GLDN: variants seen among roughly 807,000 people sequenced by gnomAD.
The protein encoded by GLDN is collomin.
Under a neutral mutation model 56.5 loss-of-function variants are expected in GLDN, and 47 were observed. That is an observed-to-expected ratio of 0.83 (90% CI 0.66 to 1.06). The LOEUF (loss-of-function observed/expected upper bound fraction) is 1.06. GLDN is among the 50% of genes least tolerant of loss of function. GLDN has a pLI of 0.00. For missense variants in GLDN, 782 were observed against 714.3 expected (o/e 1.09, Z -1.08); for synonymous variants, 332 against 278.8 (o/e 1.19, Z -1.90).
chr15:51,375,429 T>C (rs1195394457), intron 1 of GLDN, among the ~76,000 whole-genome samples: 1 of 152,274 alleles, frequency 6.6e-6, no homozygotes, highest in African/African-American at 2.4e-5. Flanking sequence ...AGCACTGTTT[T>C]ACATGAACAA....
intron 1 of GLDN, among the ~76,000 whole-genome samples, chr15:51,373,235 T>A (rs1166691648): frequency 6.6e-6 from 1 of 152,162 alleles, no homozygotes; most frequent in African/African-American, 2.4e-5. Context: ...TTCCTCAGTA[T>A]CTGTGGGGGA....
rs2038379336 is a variant in GLDN at position 51,406,271 on chromosome 15, A to G, written c.*1517A>G. 2 of 145,794 alleles carry G rather than the reference A, an allele frequency of 1.4e-5. No individual in the cohort carries two copies. The highest frequency in any genetic ancestry group is 2.2e-4 in the South Asian group (1 of 4,534). 9.0% of individuals were successfully genotyped at this position (145,794 alleles called of 1,614,324 possible). A position where few individuals can be genotyped will look rare whatever the true frequency, so the allele number is the denominator to read the frequency against. ...TCTTAAATATGCATATTTTCTGCCA[A>G]CTCACTTCTTTAAACATCTTTCAGC... On this transcript the variant is annotated 3_prime_UTR_variant, in exon 10 of 10. Transcript: ENST00000335449.
chr15:51,389,564 A>G (rs529850744), intron 4 of GLDN, among the ~76,000 whole-genome samples: 2 of 152,320 alleles, frequency 1.3e-5, no homozygotes, highest in African/African-American at 4.8e-5. Flanking sequence ...CTATTTGCAG[A>G]GGATGGATTG....
intron 1 of GLDN, chr15:51,360,201 A>T (rs1419725794): frequency 6.6e-6 from 1 of 152,176 alleles, no homozygotes; most frequent in South Asian, 2.1e-4. Context: ...AACGAGACAG[A>T]TGAGACAAGA....
At chr15:51,400,865 G>C (rs571220481) in intron 8 of GLDN, among the ~76,000 whole-genome samples, 2 of 152,158 alleles carry the variant, frequency 1.3e-5, no homozygotes, top group African/African-American at 4.8e-5. Context: ...TTTCTCTAAG[G>C]TTGCCGCCCT....
downstream of GLDN, among the ~76,000 whole-genome samples, chr15:51,408,403 TA>T (rs1025259770): frequency 2.6e-5 from 4 of 152,076 alleles, no homozygotes; most frequent in East Asian, 1.9e-4. Flanking sequence ...AAAACATGTC[TA>T]AAAAAAAGTA....
chr15:51,384,011 C>T (rs527907403), intron 4 of GLDN, 119 bp downstream of exon 4: 78 of 798,414 alleles, frequency 9.8e-5, no homozygotes, highest in South Asian at 1.3e-4. Flanking sequence ...AGTTTAAGGC[C>T]GGTTTAACTC....
intron 1 of GLDN, among the ~76,000 whole-genome samples, chr15:51,342,364 C>A (rs759082158): frequency 6.6e-6 from 1 of 152,214 alleles, no homozygotes; most frequent in African/African-American, 2.4e-5. Context: ...GACAAGTTTT[C>A]GTCTCCTGGT....
chr15:51,392,718 G>T (rs2038048835), intron 4 of GLDN, among the ~76,000 whole-genome samples: 1 of 152,066 alleles, frequency 6.6e-6, no homozygotes, highest in African/African-American at 2.4e-5. Flanking sequence ...TGAACTGTGG[G>T]GTATCACGTT....
chr15:51,367,109 G>A (rs1387491958), intron 1 of GLDN, among the ~76,000 whole-genome samples: 1 of 152,132 alleles, frequency 6.6e-6, no homozygotes, highest in Non-Finnish European at 1.5e-5. Flanking sequence ...TCTTGCTGTG[G>A]TTAGTAAGAA....
At chr15:51,370,352 G>A (rs1421404918) in intron 1 of GLDN, among the ~76,000 whole-genome samples, 1 of 152,042 alleles carries the variant, frequency 6.6e-6, no homozygotes, top group Non-Finnish European at 1.5e-5. Flanking sequence ...AATAACTAAG[G>A]TCAACCCCAC....
In GLDN at chr15:51,404,206, A is replaced by G; in HGVS notation, c.1179-71A>G. ...CAGACCCACTAACTCAGTTTAATAG[A>G]GGAGCCTAATAAACCACCTGTCCAC... On this transcript the variant is annotated intron_variant, in intron 9 of 9. Transcript: ENST00000335449. 4.2e-6 allele frequency: 5 copies of G among 1,190,122 alleles called. No individual in the cohort carries two copies. The Admixed American group carries it at 1.1e-4, about 26-fold the overall frequency. The allele number at this position is 1,190,122 out of a possible 1,614,324, so 73.7% of individuals were successfully genotyped here.
At position 51,341,825 on chromosome 15, in the gene GLDN, G is replaced by C; in HGVS notation, c.141G>C (p.Ala47=). The change falls in exon 1 of 10, where the codon GCG becomes GCC. Residue 47 remains alanine (A), a synonymous_variant. Transcript: ENST00000335449. The part of the protein sequence containing the change: ...ALCQWRGLSS[A]LRALEAQRGR... ...GCCAGTGGCGCGGGCTGAGCTCGGC[G>C]CTGCGGGCTTTGGAGGCGCAGCGGG... The C allele has an allele frequency of 6.6e-7, 1 of 1,517,202 alleles. No homozygotes were observed. Among genetic ancestry groups the C allele is most frequent in the Non-Finnish European group, 8.8e-7 (1 of 1,140,956 alleles). The allele number at this position is 1,517,202 out of a possible 1,614,324, so 94.0% of individuals were successfully genotyped here.
chr15:51,348,160 C>T (rs2037011225), intron 1 of GLDN, among the ~76,000 whole-genome samples: 1 of 152,040 alleles, frequency 6.6e-6, no homozygotes, highest in African/African-American at 2.4e-5. Context: ...TGCTCCTAGG[C>T]CAGGGAGCAA....
chr15:51,342,008 C>T lies in GLDN; in HGVS notation c.324C>T (p.Ser108=). Residue 108 remains serine, a synonymous_variant, in exon 1 of 10, where the codon AGC becomes AGT. Transcript: ENST00000335449. ...GEPAPHIRAE[S]HDMLMMMTYS... ...CCGCGCCGCATATCCGCGCCGAGAG[C>T]CATGACATGCTGATGATGATGACCT... 6.3e-7 allele frequency: 1 copy of T among 1,597,642 alleles called. No homozygotes were observed. Among genetic ancestry groups the T allele is most frequent in the South Asian group, 1.1e-5 (1 of 91,004 alleles).
chr15:51,376,773 C>T (rs1015543210), intron 1 of GLDN, among the ~76,000 whole-genome samples: 2 of 152,138 alleles, frequency 1.3e-5, no homozygotes, highest in African/African-American at 4.8e-5. Flanking sequence ...CAAACTCACA[C>T]ATTAGCCTAG....
At chr15:51,395,705 T>C (rs1291875532) in intron 5 of GLDN, among the ~76,000 whole-genome samples, 1 of 152,164 alleles carries the variant, frequency 6.6e-6, no homozygotes, top group Non-Finnish European at 1.5e-5. Flanking sequence ...TTAACACCTG[T>C]ACTAGTCTGT....
chr15:51,401,560 G>A, intron 8 of GLDN, 33 bp from the exon 9 acceptor site: 1 of 1,593,650 alleles, frequency 6.3e-7, no homozygotes, highest in Non-Finnish European at 8.6e-7. Context: ...GCTGGAGGTA[G>A]GTAACAGCCT....
rs771351646 is a variant in GLDN, at chr15:51,404,243, T to C, written c.1179-34T>C. On this transcript the variant is annotated intron_variant, in intron 9 of 9. Transcript: ENST00000335449. ...AACCACCTGTCCACAGAAACGGTGA[T>C]TCATGTCTACTTTTCTTTGTTTGCA... The C allele has an allele frequency of 6.0e-6, 9 of 1,488,872 alleles. No individual in the cohort carries two copies. The East Asian group carries it at 1.8e-4, about 30-fold the overall frequency. The allele number at this position is 1,488,872 out of a possible 1,614,324, so 92.2% of individuals were successfully genotyped here.
Sources: allele counts gnomAD v4.1 joint callset (sites outside exome capture counted in the v4.1 genomes callset), GRCh38; gene constraint gnomAD v4.1.1; transcripts MANE v1.5; gene names NCBI Gene and HGNC (gene_info 2026-07-23, HGNC 2026-07-21).